KLHL20: variants seen among roughly 807,000 people sequenced by gnomAD.
The protein encoded by KLHL20 is kelch like family member 20, also known as kelch-like protein 20.
KLHL20 carries 29 observed loss-of-function variants against 69.5 expected under a neutral mutation model. The observed-to-expected ratio is 0.42, with a 90% CI of 0.31 to 0.57. KLHL20 has a LOEUF of 0.57. KLHL20 is among the 20% of genes least tolerant of loss of function. The probability of loss-of-function intolerance (pLI) is 0.18; values close to 1 mark genes in which losing one functional copy is unlikely to be tolerated. For synonymous variants in KLHL20, 253 were observed against 265.2 expected (o/e 0.95, Z 0.45); for missense variants, 419 against 776.0 (o/e 0.54, Z 5.47).
At chr1:173,736,947 C>G (rs1381965555) in intron 3 of KLHL20, among the ~76,000 whole-genome samples, 1 of 152,074 alleles carries the variant, frequency 6.6e-6, no homozygotes, top group East Asian at 1.9e-4. Flanking sequence ...AAAGTGGTAT[C>G]ACATTGTGGT....
chr1:173,763,941 G>A (rs1014021611), intron 7 of KLHL20, among the ~76,000 whole-genome samples: 1 of 150,170 alleles, frequency 6.7e-6, no homozygotes. Flanking sequence ...AGTCAGCAAA[G>A]TAAACAGACA....
At chr1:173,760,865 GAAAGT>G (rs1039403985) in intron 7 of KLHL20, among the ~76,000 whole-genome samples, 10 of 152,078 alleles carry the variant, frequency 6.6e-5, no homozygotes, top group Non-Finnish European at 1.3e-4. Context: ...AGAGCACTAC[GAAAGT>G]AAAGTAACGG....
chr1:173,770,711 A>C (rs1292891045), intron 8 of KLHL20, among the ~76,000 whole-genome samples: 3 of 152,024 alleles, frequency 2.0e-5, no homozygotes, highest in Non-Finnish European at 4.4e-5. Flanking sequence ...AAAAAAAAAA[A>C]CAAGAGATAC....
chr1:173,778,269 CTAAG>C (rs1310431576), intron 10 of KLHL20, among the ~76,000 whole-genome samples: 1 of 151,502 alleles, frequency 6.6e-6, no homozygotes, highest in East Asian at 2.0e-4. Flanking sequence ...CGCCCTGTGT[CTAAG>C]TGATGTCATT....
At position 173,729,793 on chromosome 1, in the gene KLHL20, C is replaced by G. The variant is rs182939854; in HGVS notation, c.24-3920C>G. 6.8e-4 allele frequency among the ~76,000 whole-genome samples: 103 copies of G among 152,302 alleles called. 1 individual carries two copies. The highest frequency in any genetic ancestry group is 3.4e-3 in the Middle Eastern group (1 of 294). On this transcript the variant is annotated intron_variant, in intron 2 of 11. Transcript: ENST00000209884. ...AATGGGCAAAAACTGGAAGCACTCCCTTTGAAAACTGGCACAAGACAGGGA... is the reference window on the plus strand; with the variant it reads ...AATGGGCAAAAACTGGAAGCACTCCGTTTGAAAACTGGCACAAGACAGGGA...
rs754523609 is a variant in KLHL20, at chr1:173,775,635, G to A, written c.1431G>A (p.Val477=). 6.2e-7 allele frequency: 1 copy of A among 1,613,800 alleles called. No individual in the cohort carries two copies. The highest frequency in any genetic ancestry group is 1.1e-5 in the South Asian group (1 of 91,028). Residue 477 remains valine, a splice_region_variant and synonymous_variant, in exon 10 of 12, where the codon GTG becomes GTA. Coordinates refer to ENST00000209884, the MANE Select transcript of KLHL20 (RefSeq NM_014458.4). ...GSDGTSPLNT[V]ERYNPQENRW... ...TACTGGTTTTTCTTTTCCCTACAGT[G>A]GAACGTTACAATCCTCAGGAAAACA...
chr1:173,784,812 C>A (rs1005771588), intron 11 of KLHL20, among the ~76,000 whole-genome samples: 2 of 152,070 alleles, frequency 1.3e-5, no homozygotes, highest in Admixed American at 6.6e-5. Context: ...TAGCCAGGGG[C>A]AAAATTTTGA....
At chr1:173,729,403 T>TCG (rs1672143460) in intron 2 of KLHL20, among the ~76,000 whole-genome samples, 2 of 152,144 alleles carry the variant, frequency 1.3e-5, no homozygotes, top group Non-Finnish European at 1.5e-5. Context: ...TACCAAAGCT[T>TCG]GGCAGAGACA....
chr1:173,783,132 T>C (rs1258178708), intron 11 of KLHL20, among the ~76,000 whole-genome samples: 5 of 152,252 alleles, frequency 3.3e-5, no homozygotes, highest in Admixed American at 2.6e-4. Flanking sequence ...TTCTAAATAC[T>C]AGTCTTCTAA....
rs190478634 is a variant in KLHL20 at position 173,769,178 on chromosome 1, C to T, written c.1295+2889C>T. Among the ~76,000 whole-genome samples, 22 of 152,248 alleles carry T rather than the reference C, an allele frequency of 1.4e-4. 1 individual carries two copies. Among genetic ancestry groups the T allele is most frequent in the African/African-American group, 5.1e-4 (21 of 41,544 alleles). ...TGCATTGTAGGATGTTTAACAGCATCCATAGCCTCTACCAACTAAGTGCCA... is the reference window on the plus strand; with the variant it reads ...TGCATTGTAGGATGTTTAACAGCATTCATAGCCTCTACCAACTAAGTGCCA... On this transcript the variant is annotated intron_variant, in intron 8 of 11. Coordinates refer to ENST00000209884, the MANE Select transcript of KLHL20 (RefSeq NM_014458.4).
At chr1:173,718,829 G>C (rs1202303660) in intron 2 of KLHL20, among the ~76,000 whole-genome samples, 2 of 152,194 alleles carry the variant, frequency 1.3e-5, no homozygotes, top group Non-Finnish European at 2.9e-5. Context: ...TTGTGGCTGG[G>C]TGCGGTGGCT....
intron 10 of KLHL20, among the ~76,000 whole-genome samples, chr1:173,777,542 T>C (rs892230862): frequency 1.3e-5 from 2 of 152,224 alleles, no homozygotes; most frequent in Non-Finnish European, 2.9e-5. Context: ...ATGCTATCTG[T>C]GGGTCTGTCA....
chr1:173,775,489 G>C, intron 9 of KLHL20, 145 bp from the exon 10 acceptor site: 1 of 680,504 alleles, frequency 1.5e-6, no homozygotes, highest in Non-Finnish European at 2.6e-6. Context: ...GTATTGTCCA[G>C]AGGTATACAA....
intron 2 of KLHL20, among the ~76,000 whole-genome samples, chr1:173,722,014 A>G (rs762216667): frequency 2.0e-5 from 3 of 152,168 alleles, no homozygotes; most frequent in Non-Finnish European, 2.9e-5. Context: ...ATAAAGAAGT[A>G]CCTGAGACTT....
rs748084203 is a variant in KLHL20, at chr1:173,785,846, TAC to T, written c.*601_*602del. Reference sequence around the variant, plus strand: ...TCAATAAAAACCAGGACTCAGACACTACAGTTTTCATCAGTGTAATTTTATGT... The same window carrying T: ...TCAATAAAAACCAGGACTCAGACACTAGTTTTCATCAGTGTAATTTTATGT... On this transcript the variant is annotated 3_prime_UTR_variant, in exon 12 of 12. Transcript: ENST00000209884. 2 of 152,294 alleles carry T rather than the reference TAC, an allele frequency of 1.3e-5. No individual in the cohort carries two copies. The highest frequency in any genetic ancestry group is 2.4e-5 in the African/African-American group (1 of 41,584). The allele number at this position is 152,294 out of a possible 1,614,324, so 9.4% of individuals were successfully genotyped here. A position where few individuals can be genotyped will look rare whatever the true frequency, so the allele number is the denominator to read the frequency against.
In KLHL20 at chr1:173,775,665, G is replaced by T; in HGVS notation, c.1461G>T (p.Trp487Cys). The T allele has an allele frequency of 6.2e-7, 1 of 1,614,162 alleles. No individual in the cohort carries two copies. Among genetic ancestry groups the T allele is most frequent in the Non-Finnish European group, 8.5e-7 (1 of 1,180,006 alleles). ...VERYNPQENR[W>C]HTIAPMGTRR... Reference sequence around the variant, plus strand: ...GTTACAATCCTCAGGAAAACAGATGGCACACTATAGCCCCTATGGGGACCC... The same window carrying T: ...GTTACAATCCTCAGGAAAACAGATGTCACACTATAGCCCCTATGGGGACCC... The change falls in exon 10 of 12, where the codon TGG becomes TGT. Residue 487 changes from tryptophan to cysteine, a missense_variant. Physicochemically the swap from Trp to Cys is radical, Grantham distance 215. Around this residue, in one of 6 missense-constraint regions of KLHL20, gnomAD observed 56 missense variants for 75.9 expected, o/e 0.74. Transcript: ENST00000209884.
intron 2 of KLHL20, among the ~76,000 whole-genome samples, chr1:173,733,285 G>A (rs1571866387): frequency 6.6e-6 from 1 of 151,910 alleles, no homozygotes; most frequent in East Asian, 1.9e-4. Context: ...GTCTCCCAGG[G>A]ATTACAGACA....
At chr1:173,733,021 CT>C (rs746523298) in intron 2 of KLHL20, among the ~76,000 whole-genome samples, 210 of 125,746 alleles carry the variant, frequency 1.7e-3, no homozygotes, top group Middle Eastern at 4.6e-3. Flanking sequence ...TCAATCCAGA[CT>C]TTTTTTTTTT....
intron 8 of KLHL20, among the ~76,000 whole-genome samples, chr1:173,770,435 C>T (rs753017980): frequency 6.6e-6 from 1 of 152,116 alleles, no homozygotes; most frequent in Non-Finnish European, 1.5e-5. Flanking sequence ...CAGTGGCTCA[C>T]GCCTGTAATC....
Sources: allele counts gnomAD v4.1 joint callset (sites outside exome capture counted in the v4.1 genomes callset), GRCh38; gene constraint gnomAD v4.1.1; regional missense constraint gnomAD v4.1.1; transcripts MANE v1.5; gene names NCBI Gene and HGNC (gene_info 2026-07-23, HGNC 2026-07-21).